The following PCDHAC1 variants were observed in gnomAD, a reference collection of about 807,000 sequenced individuals.
PCDHAC1 encodes the protein protocadherin alpha-C1.
In PCDHAC1, 42 loss-of-function variants were observed where a neutral mutation model predicts 60.0. The ratio of observed to expected loss-of-function variants is 0.70; its 90% CI spans 0.55 to 0.90. The LOEUF is 0.90. Among genes scored for constraint, PCDHAC1 ranks in the 40% least tolerant of loss-of-function variants. PCDHAC1 has a pLI of 0.00. For synonymous variants in PCDHAC1, 468 were observed against 499.3 expected (o/e 0.94, Z 0.84); for missense variants, 1,160 against 1,222.3 (o/e 0.95, Z 0.76).
chr5:140,952,072 A>G (rs1433517410), intron 1 of PCDHAC1, among the ~76,000 whole-genome samples: 1 of 152,112 alleles, frequency 6.6e-6, no homozygotes, highest in Non-Finnish European at 1.5e-5. Context: ...AATAATCTTC[A>G]TTGACTCCAT....
At chr5:140,998,199 C>A (rs1472137266) in intron 3 of PCDHAC1, among the ~76,000 whole-genome samples, 2 of 152,172 alleles carry the variant, frequency 1.3e-5, no homozygotes, top group Non-Finnish European at 2.9e-5. Flanking sequence ...GTATTAACTC[C>A]TTTAATCTGT....
intron 1 of PCDHAC1, chr5:140,967,190 AACG>A (rs781897780): frequency 6.2e-7 from 1 of 1,613,418 alleles, no homozygotes; most frequent in Non-Finnish European, 8.5e-7. Context: ...ATTGGACATC[AACG>A]ACAACTCACC....
intron 1 of PCDHAC1, among the ~76,000 whole-genome samples, chr5:140,954,172 T>C (rs1297030972): frequency 6.6e-6 from 1 of 152,246 alleles, no homozygotes; most frequent in Non-Finnish European, 1.5e-5. Flanking sequence ...ATTTTCTTTA[T>C]CCAGTCTATC....
chr5:140,927,106 A>G lies in PCDHAC1; in HGVS notation c.214A>G (p.Ser72Gly). ...RELYFGVDLP[S>G]GNLVVREPAD... ...GCTCTACTTCGGGGTGGATCTACCCAGCGGCAATTTGGTGGTCAGAGAGCC... is the reference window on the plus strand; with the variant it reads ...GCTCTACTTCGGGGTGGATCTACCCGGCGGCAATTTGGTGGTCAGAGAGCC... The change falls in exon 1 of 4, where the codon AGC becomes GGC. Residue 72 changes from serine to glycine, a missense_variant. Ser to Gly is a moderately conservative substitution (Grantham distance 56). Transcript: ENST00000253807. 6.2e-7 allele frequency: 1 copy of G among 1,613,678 alleles called. No individual in the cohort carries two copies. The highest frequency in any genetic ancestry group is 8.5e-7 in the Non-Finnish European group (1 of 1,179,786).
intron 1 of PCDHAC1, among the ~76,000 whole-genome samples, chr5:140,952,912 C>A (rs1554220675): frequency 6.6e-6 from 1 of 152,042 alleles, no homozygotes; most frequent in East Asian, 1.9e-4. Flanking sequence ...GCTCATCTTA[C>A]ATGGCATGAG....
rs150142414 is a variant in PCDHAC1, at chr5:140,941,961, T to C, written c.2433+12636T>C. 4.6e-3 allele frequency among the ~76,000 whole-genome samples: 702 copies of C among 152,326 alleles called. 3 individuals are homozygous for C. Among genetic ancestry groups the C allele is most frequent in the African/African-American group, 0.016 (679 of 41,550 alleles). On this transcript the variant is annotated intron_variant, in intron 1 of 3. Transcript: ENST00000253807. Reference sequence around the variant, plus strand: ...TACTTTTGTTTTGAAAACAATAGTATCTTTACTTTCCCTAAACCTTGATAA... The same window carrying C: ...TACTTTTGTTTTGAAAACAATAGTACCTTTACTTTCCCTAAACCTTGATAA...
chr5:140,950,952 A>G (rs1554219699), intron 1 of PCDHAC1, among the ~76,000 whole-genome samples: 2 of 151,782 alleles, frequency 1.3e-5, no homozygotes, highest in Admixed American at 1.3e-4. Context: ...GATCATTTCT[A>G]TTGATCTATT....
chr5:140,934,004 T>G (rs556218652), intron 1 of PCDHAC1, among the ~76,000 whole-genome samples: 1 of 152,204 alleles, frequency 6.6e-6, no homozygotes, highest in Non-Finnish European at 1.5e-5. Flanking sequence ...CCTCTCATTT[T>G]TCTTGACTAG....
At chr5:140,969,464 C>T in intron 1 of PCDHAC1, 2 of 1,491,562 alleles carry the variant, frequency 1.3e-6, no homozygotes, top group South Asian at 2.7e-5. Context: ...ATATAGTATC[C>T]ACAATTTGAT....
chr5:141,001,559 G>A (rs1277713814), intron 3 of PCDHAC1, among the ~76,000 whole-genome samples: 1 of 152,190 alleles, frequency 6.6e-6, no homozygotes, highest in Non-Finnish European at 1.5e-5. Context: ...TTCAGACCAC[G>A]ATTCTCCTGT....
intron 3 of PCDHAC1, among the ~76,000 whole-genome samples, chr5:140,984,776 G>C (rs1310495858): frequency 6.6e-6 from 1 of 152,062 alleles, no homozygotes; most frequent in Non-Finnish European, 1.5e-5. Context: ...AAGCTTACTT[G>C]CTGGGTGAGC....
rs2096830970 is a variant in PCDHAC1, at chr5:140,978,991, A to C, written c.2476A>C (p.Arg826=). Residue 826 remains arginine, a synonymous_variant, in exon 2 of 4, where the codon AGA becomes CGA. Coordinates refer to ENST00000253807, the MANE Select transcript of PCDHAC1 (RefSeq NM_018898.5). ...TGACTGGCGTTACTCTGCCTCCCTG[A>C]GAGCAGGCATGCACAGGTATGTATT... ...NPDWRYSASL[R]AGMHSSVHLE... is the part of the protein sequence containing the mutation. 1.2e-6 allele frequency: 2 copies of C among 1,614,188 alleles called. No individual in the cohort carries two copies. Among genetic ancestry groups the C allele is most frequent in the East Asian group, 2.2e-5 (1 of 44,882 alleles).
At chr5:140,970,693 G>C (rs2096425356) in intron 1 of PCDHAC1, among the ~76,000 whole-genome samples, 1 of 152,134 alleles carries the variant, frequency 6.6e-6, no homozygotes, top group South Asian at 2.1e-4. Flanking sequence ...AGGGCTTTTA[G>C]AGCTACTACA....
In PCDHAC1 at chr5:140,927,478, C is replaced by A. The variant is rs959432734; in HGVS notation, c.586C>A (p.Arg196Ser). Residue 196 changes from arginine (R) to serine (S), a missense_variant, in exon 1 of 4, where the codon CGC (arginine) becomes AGC (serine). By Grantham distance (110) the Arg-to-Ser change is moderately radical. Around this residue, in one of 3 missense-constraint regions of PCDHAC1, gnomAD observed 1,113 missense variants for 1,163.7 expected, o/e 0.96. Coordinates refer to ENST00000253807, the MANE Select transcript of PCDHAC1 (RefSeq NM_018898.5). Reference protein sequence around the residue: ...VLEKALDREQRATHLLVLTAR... With the variant: ...VLEKALDREQSATHLLVLTAR... ...GGAGAAAGCACTGGATCGCGAACAG[C>A]GCGCCACCCACCTGCTGGTGCTTAC... The A allele has an allele frequency of 6.2e-7, 1 of 1,614,062 alleles. No individual in the cohort carries two copies. Among genetic ancestry groups the A allele is most frequent in the Non-Finnish European group, 8.5e-7 (1 of 1,180,034 alleles).
chr5:140,948,142 T>G (rs1194720907), intron 1 of PCDHAC1, among the ~76,000 whole-genome samples: 1 of 151,674 alleles, frequency 6.6e-6, no homozygotes, highest in Admixed American at 6.6e-5. Flanking sequence ...CTAATTGATT[T>G]TTGAATGTTG....
intron 1 of PCDHAC1, chr5:140,968,039 G>A (rs1016266543): frequency 1.7e-5 from 28 of 1,614,026 alleles, no homozygotes; most frequent in Non-Finnish European, 1.9e-5. Context: ...GGTGGTGAGC[G>A]GCCCACTGGA....
chr5:140,966,183 C>T (rs1399845859), intron 1 of PCDHAC1: 1 of 195,556 alleles, frequency 5.1e-6, no homozygotes, highest in African/African-American at 2.3e-5. Flanking sequence ...AGCTGATAGC[C>T]AGACTTCTAG....
intron 1 of PCDHAC1, among the ~76,000 whole-genome samples, chr5:140,940,808 T>C (rs781904662): frequency 3.3e-5 from 5 of 152,232 alleles, no homozygotes; most frequent in Non-Finnish European, 7.3e-5. Context: ...TGCCAGGATA[T>C]CCTGAGATCT....
At position 140,927,902 on chromosome 5, in the gene PCDHAC1, C is replaced by T. The variant is rs782319959; in HGVS notation, c.1010C>T (p.Ala337Val). Reference protein sequence around the residue: ...LVEVTDVNDHAPELDFLTLSN... With the variant: ...LVEVTDVNDHVPELDFLTLSN... ...GAGGTGACTGACGTGAACGATCATG[C>T]CCCCGAACTGGACTTCCTGACTCTT... Residue 337 changes from alanine to valine, a missense_variant, in exon 1 of 4, where the codon GCC (alanine) becomes GTC (valine). Ala to Val is a moderately conservative substitution (Grantham distance 64, BLOSUM62 0). Transcript: ENST00000253807. 1.5e-5 allele frequency: 25 copies of T among 1,614,182 alleles called. No homozygotes were observed. Among genetic ancestry groups the T allele is most frequent in the Non-Finnish European group, 2.1e-5 (25 of 1,180,026 alleles).
Sources: gnomAD v4.1 joint callset for allele counts (sites outside exome capture counted in the v4.1 genomes callset) on GRCh38, gnomAD v4.1.1 for gene constraint, gnomAD v4.1.1 regional missense constraint, MANE v1.5 for transcripts, NCBI Gene and HGNC (gene_info 2026-07-23, HGNC 2026-07-21) for gene names.